The following NPAS2 variants were observed in gnomAD, a reference collection of about 807,000 sequenced individuals.
NPAS2 encodes the protein neuronal PAS domain-containing protein 2.
NPAS2 carries 23 observed loss-of-function variants against 107.5 expected under a neutral mutation model. The ratio of observed to expected loss-of-function variants is 0.21; its 90% CI spans 0.15 to 0.30. The LOEUF (loss-of-function observed/expected upper bound fraction) is 0.30. NPAS2 is among the 10% of genes least tolerant of loss of function. NPAS2 has a pLI of 1.00. For synonymous variants in NPAS2, 403 were observed against 417.5 expected (o/e 0.97, Z 0.42); for missense variants, 756 against 1,043.3 (o/e 0.72, Z 3.79).
At position 100,995,984 on chromosome 2, in the gene NPAS2, T is replaced by C. The variant is rs543574354; in HGVS notation, c.*402T>C. 3.9e-6 allele frequency: 5 copies of C among 1,284,154 alleles called. No homozygotes were observed. In the South Asian group the frequency reaches 5.3e-5, roughly 14 times the overall value. 79.5% of individuals were successfully genotyped at this position (1,284,154 alleles called of 1,614,324 possible). A position where few individuals can be genotyped will look rare whatever the true frequency, so the allele number is the denominator to read the frequency against. ...CACGCTCTTGATCGTCTTTCCTTTG[T>C]ATTGGAGAAGGACTGGGTCAGAGAT... On this transcript the variant is annotated 3_prime_UTR_variant, in exon 21 of 21. Coordinates refer to ENST00000335681, the MANE Select transcript of NPAS2 (RefSeq NM_002518.4).
intron 1 of NPAS2, among the ~76,000 whole-genome samples, chr2:100,874,606 G>A (rs891780002): frequency 5.9e-5 from 9 of 151,910 alleles, no homozygotes; most frequent in African/African-American, 1.2e-4. Flanking sequence ...GCCAGGTGTG[G>A]TGGCGCACAC....
intron 1 of NPAS2, among the ~76,000 whole-genome samples, chr2:100,885,205 C>T (rs1449925010): frequency 6.6e-6 from 1 of 152,210 alleles, no homozygotes; most frequent in East Asian, 1.9e-4. Flanking sequence ...CTGCCTCGGC[C>T]TCCCAAAGTG....
In NPAS2 at chr2:100,977,611, C is replaced by T. The variant is rs72974863; in HGVS notation, c.1393-99C>T. 3,969 of 977,308 alleles carry T rather than the reference C, an allele frequency of 4.1e-3. 118 individuals are homozygous for T. In the African/African-American group the frequency reaches 0.053, roughly 13 times the overall value. The allele number at this position is 977,308 out of a possible 1,614,324, so 60.5% of individuals were successfully genotyped here. On this transcript the variant is annotated intron_variant, in intron 14 of 20. Coordinates refer to ENST00000335681, the MANE Select transcript of NPAS2 (RefSeq NM_002518.4). ...AACTCTTGACTTGGAGCTGTTCACCCCAGTGCGGAACGCAGAGAACCCACC... is the reference window on the plus strand; with the variant it reads ...AACTCTTGACTTGGAGCTGTTCACCTCAGTGCGGAACGCAGAGAACCCACC...
At chr2:100,840,631 G>T (rs1233011847) in intron 1 of NPAS2, among the ~76,000 whole-genome samples, 1 of 151,154 alleles carries the variant, frequency 6.6e-6, no homozygotes, top group East Asian at 2.0e-4. Context: ...AACCCCCACA[G>T]CAACCTGATG....
intron 3 of NPAS2, among the ~76,000 whole-genome samples, chr2:100,929,573 C>T (rs1003598474): frequency 6.6e-6 from 1 of 152,186 alleles, no homozygotes; most frequent in African/African-American, 2.4e-5. Flanking sequence ...TACCAGCTTG[C>T]AAGAGAAGAT....
At position 100,976,949 on chromosome 2, in the gene NPAS2, C is replaced by T. The variant is rs1049735879; in HGVS notation, c.1393-761C>T. 2.6e-5 allele frequency: 4 copies of T among 152,020 alleles called. No individual in the cohort carries two copies. The highest frequency in any genetic ancestry group is 4.8e-5 in the African/African-American group (2 of 41,392). The allele number at this position is 152,020 out of a possible 1,614,324, so 9.4% of individuals were successfully genotyped here. ...TTCCTCCCAATGCTGTCCTGGGTGA[C>T]ACTTTCCATTTGAGCTGCTTTTTTA... On this transcript the variant is annotated intron_variant, in intron 14 of 20. Transcript: ENST00000335681. The surrounding 1 kb of genome is among the most constrained non-coding windows in gnomAD (Gnocchi z 4.1).
Position 100,990,351 on chromosome 2 carries a change from C to T in NPAS2, c.1923C>T (p.Leu641=), listed in dbSNP as rs760495509. The change falls in exon 18 of 21, where the codon CTC becomes CTT. Residue 641 remains leucine, a synonymous_variant. Transcript: ENST00000335681. The part of the protein sequence containing the change: ...VSPFSSATAA[L]PPSLNLTTPA... ...CGTTCAGCAGCGCCACAGCTGCGCT[C>T]CCGCCAAGTCTGAATCTGACCACAC... The T allele has an allele frequency of 2.5e-6, 4 of 1,614,194 alleles. No homozygotes were observed. Among genetic ancestry groups the T allele is most frequent in the Non-Finnish European group, 3.4e-6 (4 of 1,180,018 alleles).
intron 2 of NPAS2, among the ~76,000 whole-genome samples, chr2:100,915,373 A>G (rs1682818945): frequency 6.6e-6 from 1 of 152,198 alleles, no homozygotes; most frequent in African/African-American, 2.4e-5. Flanking sequence ...CGGAACAGAA[A>G]GGGAGCCTGG....
intron 1 of NPAS2, among the ~76,000 whole-genome samples, chr2:100,888,179 C>A (rs149551072): frequency 6.6e-6 from 1 of 152,194 alleles, no homozygotes; most frequent in African/African-American, 2.4e-5. Flanking sequence ...TGCCAGGCTT[C>A]TTTCCAAACT....
At chr2:100,870,926 C>T (rs1227108949) in intron 1 of NPAS2, among the ~76,000 whole-genome samples, 1 of 152,190 alleles carries the variant, frequency 6.6e-6, no homozygotes, top group Non-Finnish European at 1.5e-5. Flanking sequence ...TCTAGTGGCA[C>T]CTTGGACTTT....
In NPAS2 at chr2:100,971,763, A is replaced by G. The variant is rs577445329; in HGVS notation, c.1140+689A>G. 2.0e-5 allele frequency among the ~76,000 whole-genome samples: 3 copies of G among 152,062 alleles called. No individual in the cohort carries two copies. In the East Asian group the frequency reaches 5.8e-4, roughly 30 times the overall value. ...GTCTCTTTGTCCCTGGTCCTGGTCC[A>G]TCACACAGCTTCAGGGAACCTTGGG... On this transcript the variant is annotated intron_variant, in intron 12 of 20. Coordinates refer to ENST00000335681, the MANE Select transcript of NPAS2 (RefSeq NM_002518.4).
intron 12 of NPAS2, among the ~76,000 whole-genome samples, chr2:100,971,367 T>C (rs866570723): frequency 9.5e-5 from 14 of 148,078 alleles, no homozygotes; most frequent in African/African-American, 3.0e-4. Flanking sequence ...AAAGCACGGC[T>C]CGGCGACTTT....
intron 1 of NPAS2, among the ~76,000 whole-genome samples, chr2:100,849,789 A>G (rs919142251): frequency 6.6e-6 from 1 of 152,082 alleles, no homozygotes; most frequent in African/African-American, 2.4e-5. Flanking sequence ...AGGAATGGAC[A>G]CAGCGTGGTT....
At chr2:100,970,210 A>T (rs973884044) in intron 11 of NPAS2, among the ~76,000 whole-genome samples, 1 of 151,982 alleles carries the variant, frequency 6.6e-6, no homozygotes, top group Non-Finnish European at 1.5e-5. Context: ...AGGGCCCCCT[A>T]CCCCCAGGGA....
At chr2:100,837,065 C>T (rs1337836372) in intron 1 of NPAS2, among the ~76,000 whole-genome samples, 1 of 152,024 alleles carries the variant, frequency 6.6e-6, no homozygotes, top group East Asian at 1.9e-4. Flanking sequence ...TAGAGCCATA[C>T]AGCAGCGGGA....
At chr2:100,868,491 C>G (rs1316443881) in intron 1 of NPAS2, among the ~76,000 whole-genome samples, 1 of 152,118 alleles carries the variant, frequency 6.6e-6, no homozygotes, top group Non-Finnish European at 1.5e-5. Context: ...AATTATTCTG[C>G]TTGGGGTTGT....
At chr2:100,941,735 G>A (rs1300682380) in intron 5 of NPAS2, among the ~76,000 whole-genome samples, 9 of 152,192 alleles carry the variant, frequency 5.9e-5, no homozygotes, top group Admixed American at 5.9e-4. Context: ...GATCCAAGGG[G>A]CATGAGTCAC....
intron 2 of NPAS2, among the ~76,000 whole-genome samples, chr2:100,906,217 T>C (rs1428078592): frequency 6.6e-6 from 1 of 152,230 alleles, no homozygotes; most frequent in African/African-American, 2.4e-5. Flanking sequence ...TTGCAAACTG[T>C]AGGTCACAAC....
rs748806872 is a variant in NPAS2, at chr2:100,988,135, G to C, written c.1686G>C (p.Glu562Asp). The stretch of plus-strand genomic sequence containing the variant: ...GCTTCAGCAGCACCCAGCGACCTGA[G>C]GCTCAGCAGCAGCTACAGCAAAGGT... ...SLSFSSTQRP[E>D]AQQQLQQRSA... Residue 562 changes from glutamate to aspartate, a missense_variant, in exon 17 of 21, where the codon GAG becomes GAC. Around this residue, in one of 4 missense-constraint regions of NPAS2, gnomAD observed 496 missense variants for 594.4 expected, o/e 0.83. Transcript: ENST00000335681. 1.2e-6 allele frequency: 2 copies of C among 1,614,214 alleles called. No homozygotes were observed. The highest frequency in any genetic ancestry group is 1.7e-6 in the Non-Finnish European group (2 of 1,180,040).
Sources: gnomAD v4.1 joint callset for allele counts (sites outside exome capture counted in the v4.1 genomes callset) on GRCh38, gnomAD v4.1.1 for gene constraint, gnomAD v4.1.1 regional missense constraint, Gnocchi (gnomAD v3.1) non-coding constraint, MANE v1.5 for transcripts, NCBI Gene and HGNC (gene_info 2026-07-23, HGNC 2026-07-21) for gene names.